The following ZNF746 variants were observed in gnomAD, a reference collection of about 807,000 sequenced individuals.
The protein encoded by ZNF746 is zinc finger protein 746.
A neutral mutation model predicts 41.0 loss-of-function variants in ZNF746; 13 were observed. That is an observed-to-expected ratio of 0.32 (90% CI 0.21 to 0.50). The LOEUF (loss-of-function observed/expected upper bound fraction) is 0.50. Among genes scored for constraint, ZNF746 ranks in the 20% least tolerant of loss-of-function variants. ZNF746 has a pLI of 0.98. For missense variants in ZNF746, 811 were observed against 922.9 expected (o/e 0.88, Z 1.57); for synonymous variants, 424 against 396.2 (o/e 1.07, Z -0.83).
At chr7:149,475,884 C>T (rs191738303) in intron 6 of ZNF746, among the ~76,000 whole-genome samples, 3 of 152,346 alleles carry the variant, frequency 2.0e-5, no homozygotes, top group Admixed American at 2.0e-4. Flanking sequence ...TAACCCACAG[C>T]TCATCTGTGA....
At chr7:149,481,977 G>C (rs578212316) in intron 4 of ZNF746, among the ~76,000 whole-genome samples, 1 of 152,266 alleles carries the variant, frequency 6.6e-6, no homozygotes, top group South Asian at 2.1e-4. Context: ...AAAAAAGTAA[G>C]AACAGGTGAA....
intron 1 of ZNF746, among the ~76,000 whole-genome samples, chr7:149,496,225 C>CA: frequency 6.6e-6 from 1 of 152,318 alleles, no homozygotes; most frequent in Non-Finnish European, 1.5e-5. Flanking sequence ...TCATGGACAA[C>CA]AAGGTGCATG....
rs771584858 is a variant in ZNF746 at position 149,476,963 on chromosome 7, G to A, written c.842C>T (p.Ser281Leu). 20 of 1,613,842 alleles carry A rather than the reference G, an allele frequency of 1.2e-5. No individual in the cohort carries two copies. Among genetic ancestry groups the A allele is most frequent in the Middle Eastern group, 1.6e-4 (1 of 6,084 alleles). Residue 281 changes from serine (S) to leucine (L), a missense_variant, in exon 6 of 7, where the codon TCG (serine) becomes TTG (leucine). Physicochemically the swap from Ser to Leu is moderately radical, Grantham distance 145. This residue lies in a region of ZNF746 where 495 missense variants were observed against 481.6 expected (regional missense o/e 1.03). Transcript: ENST00000458143. ...LPPHHPSSAC[S>L]DGTLKLNTAA... ...TGTGTTGAGCTTCAGGGTCCCGTCC[G>A]AGCATGCTGAAGAGGGATGGTGGGG... is the stretch of plus-strand genomic sequence containing the variant.
Position 149,474,411 on chromosome 7 carries a change from C to T in ZNF746, c.1956G>A (p.Leu652=), listed in dbSNP as rs1478196652. ...VTDWTCGLSV[L]GPTDGGDM ...ACATGTCCCCGCCATCGGTGGGTCC[C>T]AGGACGCTGAGGCCACAAGTCCAGT... Residue 652 remains leucine, a synonymous_variant, in exon 7 of 7, where the codon CTG becomes CTA. Coordinates refer to ENST00000458143, the MANE Select transcript of ZNF746 (RefSeq NM_001394198.1). This position sits in a 1 kb window ranked among gnomAD's most constrained non-coding sequence, Gnocchi z 6.3. 1 of 1,610,036 alleles carries T rather than the reference C, an allele frequency of 6.2e-7. No homozygotes were observed. The highest frequency in any genetic ancestry group is 1.1e-5 in the South Asian group (1 of 90,140).
intron 6 of ZNF746, among the ~76,000 whole-genome samples, chr7:149,475,993 C>T (rs1800287950): frequency 1.3e-5 from 2 of 152,208 alleles, no homozygotes; most frequent in Non-Finnish European, 1.5e-5. Flanking sequence ...AATGGACCCA[C>T]CAGCTAATGA....
intron 6 of ZNF746, among the ~76,000 whole-genome samples, chr7:149,476,055 CT>C (rs1800290320): frequency 6.6e-6 from 1 of 152,194 alleles, no homozygotes; most frequent in East Asian, 1.9e-4. Context: ...TGGCTCACGC[CT>C]ATAATCCCAG....
At position 149,474,313 on chromosome 7, in the gene ZNF746, A is replaced by T; in HGVS notation, c.*71T>A. The T allele has an allele frequency of 1.3e-6, 2 of 1,534,012 alleles. No homozygotes were observed. Among genetic ancestry groups the T allele is most frequent in the Non-Finnish European group, 1.8e-6 (2 of 1,135,716 alleles). ...CGTCCCGCGTCTGCCTGAAGCTTCC[A>T]CGCCGCCCTGCTGCCTGCACACGGG... is the stretch of plus-strand genomic sequence containing the variant. On this transcript the variant is annotated 3_prime_UTR_variant, in exon 7 of 7. Coordinates refer to ENST00000458143, the MANE Select transcript of ZNF746 (RefSeq NM_001394198.1). The surrounding 1 kb of genome is among the most constrained non-coding windows in gnomAD (Gnocchi z 6.3).
rs1489185953 is a variant in ZNF746 at position 149,475,012 on chromosome 7, T to C, written c.1355A>G (p.His452Arg). The C allele has an allele frequency of 1.3e-6, 2 of 1,551,400 alleles. No homozygotes were observed. The highest frequency in any genetic ancestry group is 2.0e-5 in the Admixed American group (1 of 50,234). The change falls in exon 7 of 7, where the codon CAC becomes CGC. Residue 452 changes from histidine to arginine, a missense_variant. Physicochemically the swap from His to Arg is conservative, Grantham distance 29 (BLOSUM62 0). Transcript: ENST00000458143. Reference sequence around the variant, plus strand: ...GGGGTGCTTCTTCAGCCCTGGCTTGTGGCCAAAGCCTTTGGTCCGGCCAGG... The same window carrying C: ...GGGGTGCTTCTTCAGCCCTGGCTTGCGGCCAAAGCCTTTGGTCCGGCCAGG... ...KYPGRTKGFG[H>R]KPGLKKHPAA...
rs1800846824 is a variant in ZNF746 at position 149,492,784 on chromosome 7, A to G, written c.565+75T>C. ...CTCCTCGACTCTCTCTGGAAAGATC[A>G]CACCCTTTCTGGCCTTTCCGTCTCT... is the stretch of plus-strand genomic sequence containing the variant. On this transcript the variant is annotated intron_variant, in intron 4 of 6. Transcript: ENST00000458143. 6.8e-6 allele frequency: 7 copies of G among 1,030,542 alleles called. No individual in the cohort carries two copies. In the Admixed American group the frequency reaches 1.4e-4, roughly 20 times the overall value. The allele number at this position is 1,030,542 out of a possible 1,614,324, so 63.8% of individuals were successfully genotyped here.
intron 4 of ZNF746, among the ~76,000 whole-genome samples, chr7:149,486,254 A>G (rs1282133921): frequency 6.6e-6 from 1 of 152,014 alleles, no homozygotes; most frequent in African/African-American, 2.4e-5. Context: ...TGTGATTGGA[A>G]CCCCCAGGCC....
At chr7:149,477,807 G>T (rs758182802) in intron 4 of ZNF746, 52 bp from the exon 5 acceptor site, 27 of 1,450,344 alleles carry the variant, frequency 1.9e-5, no homozygotes, top group Admixed American at 8.7e-5. Context: ...CTCAGCCCTG[G>T]GGCATACACG....
At chr7:149,478,006 A>C in intron 4 of ZNF746, 1 of 408,922 alleles carries the variant, frequency 2.4e-6, no homozygotes. Context: ...GCACATTCTC[A>C]GGGCTAGGCT....
chr7:149,480,297 T>C (rs1293798604), intron 4 of ZNF746, among the ~76,000 whole-genome samples: 4 of 152,098 alleles, frequency 2.6e-5, no homozygotes, highest in Admixed American at 1.3e-4. Flanking sequence ...AATATAAAGT[T>C]CAATTATTTA....
Position 149,497,681 on chromosome 7 carries a change from T to A in ZNF746, c.-145A>T. ...GCCGCCGCTCCTCGCTGGCTGCCCC[T>A]GCGCCGCGCCGCCCGCAGTCGCGCC... On this transcript the variant is annotated 5_prime_UTR_variant, in exon 1 of 7. Transcript: ENST00000458143. The surrounding 1 kb of genome is among the most constrained non-coding windows in gnomAD (Gnocchi z 4.2). 1.8e-6 allele frequency: 1 copy of A among 551,328 alleles called. No homozygotes were observed. Among genetic ancestry groups the A allele is most frequent in the Non-Finnish European group, 2.3e-6 (1 of 431,630 alleles). The allele number at this position is 551,328 out of a possible 1,614,324, so 34.2% of individuals were successfully genotyped here.
intron 4 of ZNF746, chr7:149,492,092 T>C: frequency 1.5e-6 from 1 of 677,844 alleles, no homozygotes; most frequent in South Asian, 1.6e-5. Flanking sequence ...GGCTGACTCT[T>C]TGCAAAGCTT....
At chr7:149,486,552 A>G (rs1280454769) in intron 4 of ZNF746, among the ~76,000 whole-genome samples, 2 of 152,234 alleles carry the variant, frequency 1.3e-5, no homozygotes, top group Non-Finnish European at 2.9e-5. Context: ...CAGCTATACT[A>G]CATTAACATG....
chr7:149,497,079 T>G lies in ZNF746; in HGVS notation c.24+434A>C. 1.0e-6 allele frequency: 1 copy of G among 985,184 alleles called. No homozygotes were observed. The highest frequency in any genetic ancestry group is 1.2e-6 in the Non-Finnish European group (1 of 829,866). 61.0% of individuals were successfully genotyped at this position (985,184 alleles called of 1,614,324 possible). On this transcript the variant is annotated intron_variant, in intron 1 of 6. Transcript: ENST00000458143. This position sits in a 1 kb window ranked among gnomAD's most constrained non-coding sequence, Gnocchi z 4.2. Reference sequence around the variant, plus strand: ...CGACCCCGGGAAGCTGGGCACGTAGTGGGAGTCGGTGTATGCGGATTCGAA... The same window carrying G: ...CGACCCCGGGAAGCTGGGCACGTAGGGGGAGTCGGTGTATGCGGATTCGAA...
At chr7:149,488,940 G>A (rs967930077) in intron 4 of ZNF746, 8 of 152,162 alleles carry the variant, frequency 5.3e-5, no homozygotes, top group Non-Finnish European at 1.0e-4. Flanking sequence ...GTGGAGGAAT[G>A]GAAAATAAGT....
rs1800226069 is a variant in ZNF746 at position 149,474,758 on chromosome 7, G to A, written c.1609C>T (p.Arg537Cys). 1.3e-6 allele frequency: 2 copies of A among 1,592,118 alleles called. No homozygotes were observed. The highest frequency in any genetic ancestry group is 1.7e-6 in the Non-Finnish European group (2 of 1,172,904). The change falls in exon 7 of 7, where the codon CGC becomes TGC. Residue 537 changes from arginine (R) to cysteine (C), a missense_variant. Arg to Cys is a radical substitution (Grantham distance 180, BLOSUM62 -3). Around this residue, in one of 4 missense-constraint regions of ZNF746, gnomAD observed 70 missense variants for 127.6 expected, o/e 0.55. Coordinates refer to ENST00000458143, the MANE Select transcript of ZNF746 (RefSeq NM_001394198.1). This position sits in a 1 kb window ranked among gnomAD's most constrained non-coding sequence, Gnocchi z 6.3. Reference protein sequence around the residue: ...RCGECGRCFTRPAHLIRHRML... With the variant: ...RCGECGRCFTCPAHLIRHRML... ...CGATGGCGGATGAGGTGCGCGGGGC[G>A]CGTGAAGCAACGGCCGCACTCCCCA...
Sources: gnomAD v4.1 joint callset for allele counts (sites outside exome capture counted in the v4.1 genomes callset) on GRCh38, gnomAD v4.1.1 for gene constraint, gnomAD v4.1.1 regional missense constraint, Gnocchi (gnomAD v3.1) non-coding constraint, MANE v1.5 for transcripts, NCBI Gene and HGNC (gene_info 2026-07-23, HGNC 2026-07-21) for gene names.